The following DTWD2 variants were observed in gnomAD, a reference collection of about 807,000 sequenced individuals.
DTWD2 encodes the protein DTW motif tRNA-uridine aminocarboxypropyltransferase 2.
DTWD2 carries 39 observed loss-of-function variants against 31.8 expected under a neutral mutation model. The ratio of observed to expected loss-of-function variants is 1.22; its 90% CI spans 0.95 to 1.60. DTWD2 has a LOEUF of 1.60. DTWD2 is among the 40% of genes most tolerant of loss of function. The probability of loss-of-function intolerance (pLI) is 0.00; values close to 1 mark genes in which losing one functional copy is unlikely to be tolerated. For missense variants in DTWD2, 515 were observed against 381.5 expected (o/e 1.35, Z -2.92); for synonymous variants, 180 against 142.8 (o/e 1.26, Z -1.86).
At chr5:118,881,079 T>C (rs1008648290) in intron 4 of DTWD2, among the ~76,000 whole-genome samples, 2 of 152,206 alleles carry the variant, frequency 1.3e-5, no homozygotes, top group East Asian at 3.8e-4. Context: ...CTAACATACA[T>C]CTATTTTGGA....
chr5:118,857,012 G>T (rs1255649634), intron 4 of DTWD2, among the ~76,000 whole-genome samples: 1 of 151,662 alleles, frequency 6.6e-6, no homozygotes, highest in African/African-American at 2.4e-5. Context: ...CCTGACCTCA[G>T]GTGATCTGCC....
At chr5:118,877,992 T>G (rs1752659489) in intron 4 of DTWD2, among the ~76,000 whole-genome samples, 1 of 151,704 alleles carries the variant, frequency 6.6e-6, no homozygotes, top group South Asian at 2.1e-4. Flanking sequence ...ACTAGGGAGG[T>G]GAAAGATCTC....
chr5:118,944,623 G>C lies in DTWD2; in HGVS notation c.245C>G (p.Pro82Arg), dbSNP rs767722399. ...CSRPQKVCLCPFLPAHPLHIS... is the reference protein window; with the variant it reads ...CSRPQKVCLCRFLPAHPLHIS... ...ATGCAGAGGGTGCGCTGGGAGAAAT[G>C]GACACAAACACACTTTCTGAGGCCG... Residue 82 changes from proline to arginine, a missense_variant, in exon 2 of 6, where the codon CCA (proline) becomes CGA (arginine). Physicochemically the swap from Pro to Arg is moderately radical, Grantham distance 103. Transcript: ENST00000510708. The C allele has an allele frequency of 6.8e-6, 11 of 1,613,106 alleles. No homozygotes were observed. In the South Asian group the frequency reaches 9.9e-5, roughly 14 times the overall value.
At chr5:118,850,323 A>G (rs577273877) in intron 4 of DTWD2, among the ~76,000 whole-genome samples, 1 of 148,708 alleles carries the variant, frequency 6.7e-6, no homozygotes, top group African/African-American at 2.5e-5. Context: ...AAAAAAAAAA[A>G]AAAAACATTG....
chr5:118,843,908 C>T (rs1336702625), intron 5 of DTWD2, among the ~76,000 whole-genome samples: 2 of 152,182 alleles, frequency 1.3e-5, no homozygotes, highest in Non-Finnish European at 2.9e-5. Context: ...ATATAACTTG[C>T]TTTGGTTAAT....
intron 4 of DTWD2, among the ~76,000 whole-genome samples, chr5:118,869,183 T>A (rs1314918898): frequency 2.0e-5 from 3 of 152,172 alleles, no homozygotes; most frequent in Admixed American, 1.3e-4. Context: ...GAACTATATA[T>A]TTAAAAATGG....
At chr5:118,845,315 AG>A (rs1250551554) in intron 5 of DTWD2, among the ~76,000 whole-genome samples, 1 of 152,156 alleles carries the variant, frequency 6.6e-6, no homozygotes, top group African/African-American at 2.4e-5. Context: ...CCTCCCCAGG[AG>A]GGAAAGAAAA....
At chr5:118,854,777 C>T (rs770338486) in intron 4 of DTWD2, among the ~76,000 whole-genome samples, 3 of 152,116 alleles carry the variant, frequency 2.0e-5, no homozygotes, top group Non-Finnish European at 4.4e-5. Flanking sequence ...TTATCAATTA[C>T]ATCATTCATA....
chr5:118,837,951 T>C lies in DTWD2; in HGVS notation c.*2966A>G, dbSNP rs1462336861. ...CATAAATAAATAAATCACTAACTGG[T>C]GGTATAGTGAGGAGCTTATTTCTTC... On this transcript the variant is annotated 3_prime_UTR_variant, in exon 6 of 6. Transcript: ENST00000510708. The C allele has an allele frequency of 6.6e-6, 1 of 152,056 alleles. No individual in the cohort carries two copies. Among genetic ancestry groups the C allele is most frequent in the Non-Finnish European group, 1.5e-5 (1 of 68,022 alleles). 9.4% of individuals were successfully genotyped at this position (152,056 alleles called of 1,614,324 possible).
At chr5:118,936,713 T>C (rs915271518) in intron 3 of DTWD2, among the ~76,000 whole-genome samples, 33 of 149,206 alleles carry the variant, frequency 2.2e-4, no homozygotes, top group African/African-American at 7.4e-4. Flanking sequence ...AATCTTCTAC[T>C]AAAAAAAGAA....
At chr5:118,844,475 G>C (rs927112048) in intron 5 of DTWD2, among the ~76,000 whole-genome samples, 1 of 152,150 alleles carries the variant, frequency 6.6e-6, no homozygotes, top group Non-Finnish European at 1.5e-5. Context: ...GCAAAAATTA[G>C]AGAGGAAAAG....
At position 118,946,154 on chromosome 5, in the gene DTWD2, T is replaced by C. The variant is rs545366468; in HGVS notation, c.219-1505A>G. Among the ~76,000 whole-genome samples the C allele has an allele frequency of 2.0e-5, 3 of 152,314 alleles. No homozygotes were observed. In the East Asian group the frequency reaches 5.8e-4, roughly 29 times the overall value. The stretch of plus-strand genomic sequence containing the variant: ...CTTAGGCAGAAGTAAAATCATATTA[T>C]ACATGACTCCACCTCCTCTTTCCAA... On this transcript the variant is annotated intron_variant, in intron 1 of 5. Transcript: ENST00000510708.
In DTWD2 at chr5:118,895,762, G is replaced by A. The variant is rs534137762; in HGVS notation, c.597+32775C>T. Among the ~76,000 whole-genome samples, 4 of 152,244 alleles carry A rather than the reference G, an allele frequency of 2.6e-5. No individual in the cohort carries two copies. In the South Asian group the frequency reaches 6.2e-4, roughly 24 times the overall value. ...AGAGGCACCAAGAACATACATTGGG[G>A]AAAGGGCAGTCTCTTTAATAAATGG... On this transcript the variant is annotated intron_variant, in intron 4 of 5. Transcript: ENST00000510708.
rs376453873 is a variant in DTWD2 at position 118,953,775 on chromosome 5, G to C, written c.219-9126C>G. Among the ~76,000 whole-genome samples the C allele has an allele frequency of 2.3e-4, 35 of 152,288 alleles. 1 individual carries two copies. In the East Asian group the frequency reaches 5.0e-3, roughly 22 times the overall value. On this transcript the variant is annotated intron_variant, in intron 1 of 5. Transcript: ENST00000510708. Reference sequence around the variant, plus strand: ...CTGCCACAAGGATGCCAGCAGAAAAGGGTCATCTAAGGTTGCTCTACAATG... The same window carrying C: ...CTGCCACAAGGATGCCAGCAGAAAACGGTCATCTAAGGTTGCTCTACAATG...
chr5:118,853,586 T>G (rs1752063627), intron 4 of DTWD2, among the ~76,000 whole-genome samples: 1 of 152,208 alleles, frequency 6.6e-6, no homozygotes, highest in African/African-American at 2.4e-5. Flanking sequence ...AATGAAATCA[T>G]GTCCTTTGCA....
chr5:118,902,125 C>A (rs755667054), intron 4 of DTWD2, among the ~76,000 whole-genome samples: 5 of 151,910 alleles, frequency 3.3e-5, no homozygotes, highest in Non-Finnish European at 7.4e-5. Context: ...ATCTAGTGAT[C>A]CTGAGAAACA....
At chr5:118,896,088 C>T (rs1213919776) in intron 4 of DTWD2, among the ~76,000 whole-genome samples, 1 of 152,086 alleles carries the variant, frequency 6.6e-6, no homozygotes, top group Admixed American at 6.6e-5. Context: ...GAGTCCTGAA[C>T]ATACTCAAAT....
chr5:118,906,404 A>G (rs1364129750), intron 4 of DTWD2, among the ~76,000 whole-genome samples: 2 of 152,212 alleles, frequency 1.3e-5, no homozygotes, highest in Non-Finnish European at 2.9e-5. Context: ...ATGAACGTTA[A>G]TAACCATTTC....
chr5:118,854,125 A>C (rs1038988722), intron 4 of DTWD2, among the ~76,000 whole-genome samples: 2 of 152,204 alleles, frequency 1.3e-5, no homozygotes, highest in African/African-American at 2.4e-5. Flanking sequence ...CAAATATTAT[A>C]AAAATTACAA....
Sources: allele counts gnomAD v4.1 joint callset (sites outside exome capture counted in the v4.1 genomes callset), GRCh38; gene constraint gnomAD v4.1.1; transcripts MANE v1.5; gene names NCBI Gene and HGNC (gene_info 2026-07-23, HGNC 2026-07-21).